Variants in IQCK observed in about 807,000 individuals in gnomAD.
IQCK encodes the protein IQ domain-containing protein K.
IQCK carries 29 observed loss-of-function variants against 28.1 expected under a neutral mutation model. The observed-to-expected ratio is 1.03, with a 90% CI of 0.77 to 1.41. IQCK has a LOEUF of 1.41. Among genes scored for constraint, IQCK ranks in the 40% most tolerant of loss-of-function variants. The pLI is 0.00. For missense variants in IQCK, 359 were observed against 314.7 expected (o/e 1.14, Z -1.07); for synonymous variants, 113 against 115.1 (o/e 0.98, Z 0.12).
intron 7 of IQCK, among the ~76,000 whole-genome samples, chr16:19,810,048 GT>G (rs537156102): frequency 2.0e-5 from 3 of 151,922 alleles, no homozygotes; most frequent in Admixed American, 6.6e-5. Flanking sequence ...CCTTCAGTGG[GT>G]TTTTTTTAGA....
At chr16:19,836,869 A>G (rs1354914870) in intron 9 of IQCK, among the ~76,000 whole-genome samples, 1 of 152,132 alleles carries the variant, frequency 6.6e-6, no homozygotes, top group Non-Finnish European at 1.5e-5. Flanking sequence ...ACGGCTCATG[A>G]CCAGATTGGG....
At chr16:19,731,520 T>G (rs193113466) in intron 2 of IQCK, among the ~76,000 whole-genome samples, 1 of 152,344 alleles carries the variant, frequency 6.6e-6, no homozygotes, top group Admixed American at 6.5e-5. Context: ...TCTCTGCAGA[T>G]ACAAATCACA....
chr16:19,787,068 G>GCATT (rs1438359779), intron 6 of IQCK, among the ~76,000 whole-genome samples: 1 of 61,024 alleles, frequency 1.6e-5, no homozygotes, highest in Non-Finnish European at 2.6e-5. Flanking sequence ...ATTCAAAAGA[G>GCATT]CATTCATTCA....
intron 9 of IQCK, among the ~76,000 whole-genome samples, chr16:19,845,813 G>C (rs1482497323): frequency 1.3e-5 from 2 of 152,180 alleles, no homozygotes; most frequent in East Asian, 3.9e-4. Flanking sequence ...GGTGGCTCAT[G>C]CCTGTAATCC....
chr16:19,765,304 G>A (rs143836737), intron 6 of IQCK, among the ~76,000 whole-genome samples: 2,152 of 151,522 alleles, frequency 0.014, 48 homozygotes, highest in African/African-American at 0.048. Context: ...TTGGGAGGCC[G>A]AGGTGGGCAG....
chr16:19,765,115 G>A (rs184438211), intron 6 of IQCK, among the ~76,000 whole-genome samples: 71 of 147,798 alleles, frequency 4.8e-4, no homozygotes, highest in Admixed American at 1.5e-3. Flanking sequence ...CCAGCAACTC[G>A]GGAGGCTGAG....
At chr16:19,769,064 C>G (rs2055282273) in intron 6 of IQCK, among the ~76,000 whole-genome samples, 2 of 152,118 alleles carry the variant, frequency 1.3e-5, no homozygotes, top group Admixed American at 1.3e-4. Flanking sequence ...GTTTGGAGGC[C>G]TTAAGTTTTC....
chr16:19,809,350 C>T (rs919706421), intron 7 of IQCK, among the ~76,000 whole-genome samples: 4 of 152,174 alleles, frequency 2.6e-5, no homozygotes, highest in African/African-American at 4.8e-5. Context: ...CACCTAGACT[C>T]GATCATGTAG....
downstream of IQCK, among the ~76,000 whole-genome samples, chr16:19,830,014 CGAATGAATGAATGAAT>C (rs36097422): frequency 1.3e-5 from 2 of 151,370 alleles, no homozygotes; most frequent in Non-Finnish European, 1.5e-5. Context: ...ATCAGTTGAA[CGAATGAATGAATGAAT>C]GAATGAATGA....
chr16:19,809,587 G>C (rs556839516), intron 7 of IQCK, among the ~76,000 whole-genome samples: 1 of 152,336 alleles, frequency 6.6e-6, no homozygotes, highest in South Asian at 2.1e-4. Context: ...TTCAGTTACT[G>C]TCTATCTGTC....
chr16:19,846,158 A>G (rs1401919407), intron 9 of IQCK, among the ~76,000 whole-genome samples: 1 of 152,222 alleles, frequency 6.6e-6, no homozygotes, highest in Non-Finnish European at 1.5e-5. Context: ...AATTCTACCA[A>G]AAGGAAAGTC....
At chr16:19,765,018 C>T (rs1490840822) in intron 6 of IQCK, among the ~76,000 whole-genome samples, 1 of 143,454 alleles carries the variant, frequency 7.0e-6, no homozygotes, top group Non-Finnish European at 1.5e-5. Context: ...GTCAGGAGAT[C>T]GAGACCATCC....
At chr16:19,830,536 A>G (rs2056218118), downstream of IQCK, among the ~76,000 whole-genome samples, 1 of 152,230 alleles carries the variant, frequency 6.6e-6, no homozygotes, top group African/African-American at 2.4e-5. Context: ...TAAATACCCC[A>G]GTGTGAACCC....
intron 4 of IQCK, among the ~76,000 whole-genome samples, chr16:19,752,077 C>G (rs1416256479): frequency 6.6e-6 from 1 of 151,530 alleles, no homozygotes; most frequent in Non-Finnish European, 1.5e-5. Context: ...GCATTGCATT[C>G]CACTGGAACA....
Position 19,811,738 on chromosome 16 carries a change from T to C in IQCK, c.691-15288T>C, listed in dbSNP as rs138497930. ...TCATGTGAGCAAGAACTGAAAGTTG[T>C]ACAGATGTTAGGATGCTAAGTCTTG... On this transcript the variant is annotated intron_variant, in intron 7 of 7. Transcript: ENST00000564186. 3.9e-5 allele frequency among the ~76,000 whole-genome samples: 6 copies of C among 152,368 alleles called. No individual in the cohort carries two copies. The East Asian group carries it at 1.2e-3, about 29-fold the overall frequency.
chr16:19,757,041 G>A (rs2055063026), intron 4 of IQCK, among the ~76,000 whole-genome samples: 1 of 152,132 alleles, frequency 6.6e-6, no homozygotes, highest in Non-Finnish European at 1.5e-5. Context: ...AGAGACAAAT[G>A]TTTGTTGTTT....
Position 19,818,456 on chromosome 16 carries a change from G to A in IQCK, c.691-8570G>A, listed in dbSNP as rs188271847. On this transcript the variant is annotated intron_variant, in intron 7 of 7. Transcript: ENST00000564186. ...CATTCAGGCTGGAGTGCAATGGCAC[G>A]ATCTTGGCTCACTGCAACCTCCGCC... Among the ~76,000 whole-genome samples, 588 of 152,178 alleles carry A rather than the reference G, an allele frequency of 3.9e-3. 5 individuals are homozygous for A. Among genetic ancestry groups the A allele is most frequent in the African/African-American group, 0.012 (511 of 41,526 alleles).
At chr16:19,817,884 C>T (rs1269979407) in intron 7 of IQCK, among the ~76,000 whole-genome samples, 6 of 152,000 alleles carry the variant, frequency 3.9e-5, no homozygotes, top group Non-Finnish European at 8.8e-5. Context: ...AAGAGTAAAC[C>T]AATTGTAAAG....
At chr16:19,775,643 CTGT>C (rs1301361874) in intron 6 of IQCK, among the ~76,000 whole-genome samples, 1 of 152,156 alleles carries the variant, frequency 6.6e-6, no homozygotes, top group Non-Finnish European at 1.5e-5. Flanking sequence ...CACAAAAAGA[CTGT>C]TGTAGGTTGG....
Sources: allele counts gnomAD v4.1 joint callset (sites outside exome capture counted in the v4.1 genomes callset), GRCh38; gene constraint gnomAD v4.1.1; transcripts MANE v1.5; gene names NCBI Gene and HGNC (gene_info 2026-07-23, HGNC 2026-07-21).